Variants in RAP2B observed in about 807,000 individuals in gnomAD.
The protein encoded by RAP2B is ras-related protein Rap-2b.
A neutral mutation model predicts 14.4 loss-of-function variants in RAP2B; 6 were observed. The observed-to-expected ratio is 0.42, with a 90% CI of 0.23 to 0.82. The LOEUF (loss-of-function observed/expected upper bound fraction) is 0.82. RAP2B is among the 40% of genes least tolerant of loss of function. The pLI, the probability that RAP2B is intolerant of heterozygous loss-of-function variation, is 0.30. For missense variants in RAP2B, 137 were observed against 248.2 expected, an observed-to-expected ratio of 0.55 and a Z score of 3.01; for synonymous variants, 118 against 113.2, an observed-to-expected ratio of 1.04 and a Z score of -0.27.
chr3:153,162,814 C>T lies in RAP2B; in HGVS notation c.121C>T (p.Arg41Cys). 6.2e-7 allele frequency: 1 copy of T among 1,614,112 alleles called. No homozygotes were observed. Among genetic ancestry groups the T allele is most frequent in the Non-Finnish European group, 8.5e-7 (1 of 1,180,032 alleles). ...KYDPTIEDFY[R>C]KEIEVDSSPS... The stretch of plus-strand genomic sequence containing the variant: ...CGACCCGACCATCGAAGACTTTTAC[C>T]GCAAGGAGATTGAGGTGGACTCGTC... Residue 41 changes from arginine (R) to cysteine (C), a missense_variant, in exon 1 of 1, where the codon CGC becomes TGC. Transcript: ENST00000323534. The surrounding 1 kb of genome is among the most constrained non-coding windows in gnomAD (Gnocchi z 4.9).
rs546533561 is a variant in RAP2B at position 153,162,500 on chromosome 3, C to T, written c.-194C>T. ...GGACCCGCACCCCAGGGATACGCTG[C>T]CGCCGCCGCCGGCCGGCCCGGCGCC... On this transcript the variant is annotated 5_prime_UTR_variant, in exon 1 of 1. Coordinates refer to ENST00000323534, the MANE Select transcript of RAP2B (RefSeq NM_002886.4). This position sits in a 1 kb window ranked among gnomAD's most constrained non-coding sequence, Gnocchi z 4.9. 1.4e-5 allele frequency: 8 copies of T among 576,886 alleles called. No homozygotes were observed. Among genetic ancestry groups the T allele is most frequent in the South Asian group, 1.1e-4 (4 of 35,070 alleles). The allele number at this position is 576,886 out of a possible 1,614,324, so 35.7% of individuals were successfully genotyped here. A position where few individuals can be genotyped will look rare whatever the true frequency, so the allele number is the denominator to read the frequency against.
In RAP2B at chr3:153,170,575, C is replaced by T. The variant is rs1713704926; in HGVS notation, c.*7330C>T. ...TAGATAAATTTATTGAACATTGGGC[C>T]TTTGAAAGGTATGTGGAAATTGTAA... On this transcript the variant is annotated 3_prime_UTR_variant, in exon 1 of 1. Coordinates refer to ENST00000323534, the MANE Select transcript of RAP2B (RefSeq NM_002886.4). 6.6e-6 allele frequency: 1 copy of T among 152,064 alleles called. No individual in the cohort carries two copies. Among genetic ancestry groups the T allele is most frequent in the South Asian group, 2.1e-4 (1 of 4,820 alleles). 9.4% of individuals were successfully genotyped at this position (152,064 alleles called of 1,614,324 possible).
chr3:153,163,654 T>TC lies in RAP2B; in HGVS notation c.*409_*410insC, dbSNP rs1713482897. 7.5e-6 allele frequency: 1 copy of TC among 132,460 alleles called. No individual in the cohort carries two copies. Among genetic ancestry groups the TC allele is most frequent in the African/African-American group, 3.1e-5 (1 of 32,204 alleles). 8.2% of individuals were successfully genotyped at this position (132,460 alleles called of 1,614,324 possible). A position where few individuals can be genotyped will look rare whatever the true frequency, so the allele number is the denominator to read the frequency against. On this transcript the variant is annotated 3_prime_UTR_variant, in exon 1 of 1. Coordinates refer to ENST00000323534, the MANE Select transcript of RAP2B (RefSeq NM_002886.4). ...GAAATGGTTTTTTTTTTTTTTTTTC[T>TC]ATTTTCTTTCTTTTTTTTTTTTTTT...
rs1310136804 is a variant in RAP2B, at chr3:153,168,511, T to C, written c.*5266T>C. The C allele has an allele frequency of 1.2e-5, 2 of 162,422 alleles. No individual in the cohort carries two copies. The highest frequency in any genetic ancestry group is 4.8e-5 in the African/African-American group (2 of 41,456). The allele number at this position is 162,422 out of a possible 1,614,324, so 10.1% of individuals were successfully genotyped here. ...TTCAACCCTGTTGTTGTTACTGTTA[T>C]TTTCATAGCACAGTAGTCTACAGCT... is the stretch of plus-strand genomic sequence containing the variant. On this transcript the variant is annotated 3_prime_UTR_variant, in exon 1 of 1. Transcript: ENST00000323534.
At position 153,164,847 on chromosome 3, in the gene RAP2B, A is replaced by C. The variant is rs2108015909; in HGVS notation, c.*1602A>C. The C allele has an allele frequency of 6.0e-6, 1 of 167,232 alleles. No homozygotes were observed. Among genetic ancestry groups the C allele is most frequent in the East Asian group, 1.9e-4 (1 of 5,192 alleles). 10.4% of individuals were successfully genotyped at this position (167,232 alleles called of 1,614,324 possible). ...GAGCTATTTGTGAAATTTTAAAGAC[A>C]GAAGTGTCTCAGTGACAAGTTGGAT... On this transcript the variant is annotated 3_prime_UTR_variant, in exon 1 of 1. Transcript: ENST00000323534.
Position 153,166,301 on chromosome 3 carries a change from A to G in RAP2B, c.*3056A>G, listed in dbSNP as rs921422199. On this transcript the variant is annotated 3_prime_UTR_variant, in exon 1 of 1. Coordinates refer to ENST00000323534, the MANE Select transcript of RAP2B (RefSeq NM_002886.4). ...GAACACTGCTATTTTTTTCTTAAAAATGTTTTTAAGAATATGTTCGTTTCT... is the reference window on the plus strand; with the variant it reads ...GAACACTGCTATTTTTTTCTTAAAAGTGTTTTTAAGAATATGTTCGTTTCT... The G allele has an allele frequency of 1.2e-5, 2 of 166,936 alleles. No individual in the cohort carries two copies. The highest frequency in any genetic ancestry group is 4.8e-5 in the African/African-American group (2 of 41,460). 10.3% of individuals were successfully genotyped at this position (166,936 alleles called of 1,614,324 possible).
At position 153,165,458 on chromosome 3, in the gene RAP2B, G is replaced by A. The variant is rs960666946; in HGVS notation, c.*2213G>A. The A allele has an allele frequency of 1.8e-5, 3 of 165,058 alleles. No homozygotes were observed. Among genetic ancestry groups the A allele is most frequent in the Admixed American group, 6.5e-5 (1 of 15,272 alleles). The allele number at this position is 165,058 out of a possible 1,614,324, so 10.2% of individuals were successfully genotyped here. ...TCAAGAGAGTACTTGGTATACCTTA[G>A]GTCTATGAAGTGTAGCTGAAATCTG... is the stretch of plus-strand genomic sequence containing the variant. On this transcript the variant is annotated 3_prime_UTR_variant, in exon 1 of 1. Transcript: ENST00000323534.
chr3:153,163,428 C>G lies in RAP2B; in HGVS notation c.*183C>G. On this transcript the variant is annotated 3_prime_UTR_variant, in exon 1 of 1. Coordinates refer to ENST00000323534, the MANE Select transcript of RAP2B (RefSeq NM_002886.4). ...TCCACCCTGTGCCCGAGGGGGTGTC[C>G]GGTCCTGCCCATCCGATACTCTGGT... The G allele has an allele frequency of 1.4e-6, 1 of 731,442 alleles. No homozygotes were observed. Among genetic ancestry groups the G allele is most frequent in the Non-Finnish European group, 2.2e-6 (1 of 449,534 alleles). The allele number at this position is 731,442 out of a possible 1,614,324, so 45.3% of individuals were successfully genotyped here.
rs2108018059 is a variant in RAP2B at position 153,170,011 on chromosome 3, A to G, written c.*6766A>G. ...GGGCCTTATGGCTATTGAAATTATG[A>G]GTGTTGATCTGTTCTATAAATTGGA... On this transcript the variant is annotated 3_prime_UTR_variant, in exon 1 of 1. Transcript: ENST00000323534. 1 of 152,358 alleles carries G rather than the reference A, an allele frequency of 6.6e-6. No individual in the cohort carries two copies. Among genetic ancestry groups the G allele is most frequent in the Non-Finnish European group, 1.5e-5 (1 of 68,030 alleles). The allele number at this position is 152,358 out of a possible 1,614,324, so 9.4% of individuals were successfully genotyped here. A position where few individuals can be genotyped will look rare whatever the true frequency, so the allele number is the denominator to read the frequency against.
chr3:153,169,110 C>G lies in RAP2B; in HGVS notation c.*5865C>G, dbSNP rs144308274. On this transcript the variant is annotated 3_prime_UTR_variant, in exon 1 of 1. Coordinates refer to ENST00000323534, the MANE Select transcript of RAP2B (RefSeq NM_002886.4). ...GTTTATTCTAATCCTGGTTAATAAT[C>G]ATTAGGACTAAACTATTTACATTAA... 2.0e-5 allele frequency: 3 copies of G among 152,080 alleles called. No individual in the cohort carries two copies. The East Asian group carries it at 5.8e-4, about 29-fold the overall frequency. The allele number at this position is 152,080 out of a possible 1,614,324, so 9.4% of individuals were successfully genotyped here.
rs397953060 is a variant in RAP2B, at chr3:153,163,664, C to CTTTTTTTTTTTTTTTTTTT, written c.*422_*440dup. On this transcript the variant is annotated 3_prime_UTR_variant, in exon 1 of 1. Coordinates refer to ENST00000323534, the MANE Select transcript of RAP2B (RefSeq NM_002886.4). ...TTTTTTTTTTTTTTCTATTTTCTTT[C>CTTTTTTTTTTTTTTTTTTT]TTTTTTTTTTTTTTTTTTTTTGGTC... 1.5e-5 allele frequency: 1 copy of CTTTTTTTTTTTTTTTTTTT among 65,244 alleles called. No individual in the cohort carries two copies. The highest frequency in any genetic ancestry group is 6.3e-5 in the African/African-American group (1 of 15,914). The allele number at this position is 65,244 out of a possible 1,614,324, so 4.0% of individuals were successfully genotyped here. A position where few individuals can be genotyped will look rare whatever the true frequency, so the allele number is the denominator to read the frequency against.
Position 153,163,531 on chromosome 3 carries a change from AG to A in RAP2B, c.*289del, listed in dbSNP as rs745455409. Reference sequence around the variant, plus strand: ...ATATTTCCCCGTTTAAGTAGCCGTTAGGGCGCAGTATCGGCAGCTTGACACC... The same window carrying A: ...ATATTTCCCCGTTTAAGTAGCCGTTAGGCGCAGTATCGGCAGCTTGACACC... On this transcript the variant is annotated 3_prime_UTR_variant, in exon 1 of 1. Coordinates refer to ENST00000323534, the MANE Select transcript of RAP2B (RefSeq NM_002886.4). 2 of 359,898 alleles carry A rather than the reference AG, an allele frequency of 5.6e-6. No homozygotes were observed. The highest frequency in any genetic ancestry group is 5.2e-6 in the Non-Finnish European group (1 of 190,716). The allele number at this position is 359,898 out of a possible 1,614,324, so 22.3% of individuals were successfully genotyped here.
At position 153,162,627 on chromosome 3, in the gene RAP2B, C is replaced by T. The variant is rs1321861529; in HGVS notation, c.-67C>T. On this transcript the variant is annotated 5_prime_UTR_variant, in exon 1 of 1. Coordinates refer to ENST00000323534, the MANE Select transcript of RAP2B (RefSeq NM_002886.4). The surrounding 1 kb of genome is among the most constrained non-coding windows in gnomAD (Gnocchi z 4.9). The stretch of plus-strand genomic sequence containing the variant: ...GGGGAAGAGAAGTCCAGCCGCCAAG[C>T]CCAGCCTTCCCCGGCGCGCAGCCCC... 39 of 1,498,078 alleles carry T rather than the reference C, an allele frequency of 2.6e-5. No individual in the cohort carries two copies. Among genetic ancestry groups the T allele is most frequent in the Non-Finnish European group, 3.2e-5 (36 of 1,124,914 alleles). 92.8% of individuals were successfully genotyped at this position (1,498,078 alleles called of 1,614,324 possible).
At position 153,169,220 on chromosome 3, in the gene RAP2B, C is replaced by T. The variant is rs148030854; in HGVS notation, c.*5975C>T. ...TCGGCCAGGCTGGAGTGCAATGGCGCGATCTCGGCTCACTGCAACTTCCGC... is the reference window on the plus strand; with the variant it reads ...TCGGCCAGGCTGGAGTGCAATGGCGTGATCTCGGCTCACTGCAACTTCCGC... On this transcript the variant is annotated 3_prime_UTR_variant, in exon 1 of 1. Coordinates refer to ENST00000323534, the MANE Select transcript of RAP2B (RefSeq NM_002886.4). 0.013 allele frequency: 2,012 copies of T among 151,996 alleles called. 20 individuals carry two copies. Among genetic ancestry groups the T allele is most frequent in the Non-Finnish European group, 0.02 (1,360 of 68,028 alleles). 9.4% of individuals were successfully genotyped at this position (151,996 alleles called of 1,614,324 possible). A position where few individuals can be genotyped will look rare whatever the true frequency, so the allele number is the denominator to read the frequency against.
Position 153,170,570 on chromosome 3 carries a change from T to A in RAP2B, c.*7325T>A, listed in dbSNP as rs1039444325. ...TAGAGTAGATAAATTTATTGAACAT[T>A]GGGCCTTTGAAAGGTATGTGGAAAT... On this transcript the variant is annotated 3_prime_UTR_variant, in exon 1 of 1. Coordinates refer to ENST00000323534, the MANE Select transcript of RAP2B (RefSeq NM_002886.4). 2.6e-5 allele frequency: 4 copies of A among 152,284 alleles called. No individual in the cohort carries two copies. The highest frequency in any genetic ancestry group is 9.6e-5 in the African/African-American group (4 of 41,564). 9.4% of individuals were successfully genotyped at this position (152,284 alleles called of 1,614,324 possible).
rs1302718276 is a variant in RAP2B, at chr3:153,164,169, A to G, written c.*924A>G. On this transcript the variant is annotated 3_prime_UTR_variant, in exon 1 of 1. Coordinates refer to ENST00000323534, the MANE Select transcript of RAP2B (RefSeq NM_002886.4). ...TGTGGTGTGTGTGTGTTTTAAGTTTAGCCTTTTGTTTTTGTTTTTTGGTTG... is the reference window on the plus strand; with the variant it reads ...TGTGGTGTGTGTGTGTTTTAAGTTTGGCCTTTTGTTTTTGTTTTTTGGTTG... 1 of 164,896 alleles carries G rather than the reference A, an allele frequency of 6.1e-6. No homozygotes were observed. The allele number at this position is 164,896 out of a possible 1,614,324, so 10.2% of individuals were successfully genotyped here.
chr3:153,163,355 A>T lies in RAP2B; in HGVS notation c.*110A>T, dbSNP rs1713466073. 3 of 1,420,484 alleles carry T rather than the reference A, an allele frequency of 2.1e-6. No homozygotes were observed. The highest frequency in any genetic ancestry group is 2.8e-6 in the Non-Finnish European group (3 of 1,073,110). 88.0% of individuals were successfully genotyped at this position (1,420,484 alleles called of 1,614,324 possible). A position where few individuals can be genotyped will look rare whatever the true frequency, so the allele number is the denominator to read the frequency against. On this transcript the variant is annotated 3_prime_UTR_variant, in exon 1 of 1. Coordinates refer to ENST00000323534, the MANE Select transcript of RAP2B (RefSeq NM_002886.4). Reference sequence around the variant, plus strand: ...GATTGGAGACCACTTTGCATTGGCCAGGGTGTCTTGGGAGCCCGGCTGGCC... The same window carrying T: ...GATTGGAGACCACTTTGCATTGGCCTGGGTGTCTTGGGAGCCCGGCTGGCC...
At position 153,166,319 on chromosome 3, in the gene RAP2B, T is replaced by A. The variant is rs1164929253; in HGVS notation, c.*3074T>A. The A allele has an allele frequency of 6.0e-6, 1 of 167,074 alleles. No homozygotes were observed. Among genetic ancestry groups the A allele is most frequent in the Non-Finnish European group, 1.5e-5 (1 of 68,114 alleles). 10.3% of individuals were successfully genotyped at this position (167,074 alleles called of 1,614,324 possible). ...CTTAAAAATGTTTTTAAGAATATGT[T>A]CGTTTCTTTGACTATTAAGAACCCC... On this transcript the variant is annotated 3_prime_UTR_variant, in exon 1 of 1. Coordinates refer to ENST00000323534, the MANE Select transcript of RAP2B (RefSeq NM_002886.4).
rs906865788 is a variant in RAP2B, at chr3:153,166,769, T to G, written c.*3524T>G. On this transcript the variant is annotated 3_prime_UTR_variant, in exon 1 of 1. Transcript: ENST00000323534. ...AGATGTATTTGGGGATAGAATTCTTTAAATGTATGGGACTTCATGCTTCCT... is the reference window on the plus strand; with the variant it reads ...AGATGTATTTGGGGATAGAATTCTTGAAATGTATGGGACTTCATGCTTCCT... 3 of 166,640 alleles carry G rather than the reference T, an allele frequency of 1.8e-5. No individual in the cohort carries two copies. Among genetic ancestry groups the G allele is most frequent in the Non-Finnish European group, 4.4e-5 (3 of 68,090 alleles). The allele number at this position is 166,640 out of a possible 1,614,324, so 10.3% of individuals were successfully genotyped here. A position where few individuals can be genotyped will look rare whatever the true frequency, so the allele number is the denominator to read the frequency against.
Sources: allele counts gnomAD v4.1 joint callset, GRCh38; gene constraint gnomAD v4.1.1; non-coding constraint Gnocchi (gnomAD v3.1); transcripts MANE v1.5; gene names NCBI Gene and HGNC (gene_info 2026-07-23, HGNC 2026-07-21).